ANXA7: variants seen among roughly 807,000 people sequenced by gnomAD.
ANXA7 encodes the protein annexin A7.
A neutral mutation model predicts 64.9 loss-of-function variants in ANXA7; 55 were observed. That is an observed-to-expected ratio of 0.85 (90% CI 0.68 to 1.06). ANXA7 has a LOEUF of 1.06. Ranked by LOEUF, ANXA7 falls within the 50% of genes least tolerant of loss-of-function variation. The pLI is 0.00. For missense variants in ANXA7, 548 were observed against 582.1 expected (o/e 0.94, Z 0.60); for synonymous variants, 200 against 192.4 (o/e 1.04, Z -0.33).
chr10:73,387,744 C>T lies in ANXA7; in HGVS notation c.578G>A (p.Arg193His), dbSNP rs770294831. The change falls in exon 7 of 13, where the codon CGT becomes CAT. Residue 193 changes from arginine (R) to histidine (H), a missense_variant. Coordinates refer to ENST00000372921, the MANE Select transcript of ANXA7 (RefSeq NM_001156.5). The stretch of plus-strand genomic sequence containing the variant: ...AATTTTTTGCCTCTGATCATTGGAA[C>T]GGTTGGCCACCACATCCACAATTGC... The part of the protein sequence containing the change: ...EQAIVDVVAN[R>H]SNDQRQKIKA... 18 of 1,613,622 alleles carry T rather than the reference C, an allele frequency of 1.1e-5. No individual in the cohort carries two copies. Among genetic ancestry groups the T allele is most frequent in the East Asian group, 2.2e-5 (1 of 44,848 alleles).
At chr10:73,404,439 T>C (rs2055720799) in intron 1 of ANXA7, among the ~76,000 whole-genome samples, 1 of 152,230 alleles carries the variant, frequency 6.6e-6, no homozygotes, top group South Asian at 2.1e-4. Flanking sequence ...AATGGTACTA[T>C]GATTTTCATC....
chr10:73,401,263 A>AACACAC (rs5786109), intron 1 of ANXA7, among the ~76,000 whole-genome samples: 4 of 148,024 alleles, frequency 2.7e-5, no homozygotes, highest in African/African-American at 7.5e-5. Flanking sequence ...ACACATACAC[A>AACACAC]ACACACACAC....
intron 5 of ANXA7, among the ~76,000 whole-genome samples, chr10:73,391,097 G>A (rs2055474428): frequency 6.6e-6 from 1 of 151,224 alleles, no homozygotes. Flanking sequence ...GAACCCGGGA[G>A]GCGGAGGTTG....
At chr10:73,377,591 A>G (rs2055193058) in intron 12 of ANXA7, 1 of 151,932 alleles carries the variant, frequency 6.6e-6, no homozygotes, top group Non-Finnish European at 1.5e-5. Context: ...AAAAAAAAAA[A>G]AAAAAAACAC....
intron 1 of ANXA7, among the ~76,000 whole-genome samples, chr10:73,411,448 C>CT (rs566499383): frequency 4.7e-4 from 71 of 151,560 alleles, no homozygotes; most frequent in Middle Eastern, 3.4e-3. Context: ...GAAATTTTAT[C>CT]TTTTTTTTTG....
chr10:73,413,016 T>TA (rs1396846012), intron 1 of ANXA7, among the ~76,000 whole-genome samples: 1 of 152,022 alleles, frequency 6.6e-6, no homozygotes. Context: ...TGACTGAAGA[T>TA]ACGCGCAACA....
rs1041518465 is a variant in ANXA7 at position 73,375,333 on chromosome 10, T to C, written c.*762A>G. On this transcript the variant is annotated 3_prime_UTR_variant, in exon 13 of 13. Coordinates refer to ENST00000372921, the MANE Select transcript of ANXA7 (RefSeq NM_001156.5). ...AGATCTTAAGTGTTTTCACCACACATGAAAAAATGGTAACTATGTCAAGGT... is the reference window on the plus strand; with the variant it reads ...AGATCTTAAGTGTTTTCACCACACACGAAAAAATGGTAACTATGTCAAGGT... 2.0e-5 allele frequency: 3 copies of C among 152,146 alleles called. No homozygotes were observed. Among genetic ancestry groups the C allele is most frequent in the Non-Finnish European group, 2.9e-5 (2 of 68,006 alleles). 9.4% of individuals were successfully genotyped at this position (152,146 alleles called of 1,614,324 possible). A position where few individuals can be genotyped will look rare whatever the true frequency, so the allele number is the denominator to read the frequency against.
chr10:73,383,080 G>T, intron 9 of ANXA7, 95 bp downstream of exon 9: 1 of 1,151,132 alleles, frequency 8.7e-7, no homozygotes, highest in Non-Finnish European at 1.2e-6. Flanking sequence ...ATTGCAAGGT[G>T]GCTAAATATT....
chr10:73,383,138 C>T (rs1460207705), intron 9 of ANXA7, 37 bp downstream of exon 9: 2 of 1,540,078 alleles, frequency 1.3e-6, no homozygotes, highest in East Asian at 4.6e-5. Flanking sequence ...AAAGTATGTT[C>T]CCTCTATCAA....
At chr10:73,395,836 T>C (rs558395817) in intron 5 of ANXA7, 16 of 650,688 alleles carry the variant, frequency 2.5e-5, no homozygotes, top group African/African-American at 2.4e-4. Context: ...ATTTGACATA[T>C]AGGAAACTCT....
intron 6 of ANXA7, 61 bp from the exon 7 acceptor site, chr10:73,387,844 A>AAC: frequency 1.0e-6 from 1 of 957,404 alleles, no homozygotes; most frequent in Non-Finnish European, 1.5e-6. Context: ...GCTTGAGGTC[A>AAC]TCTTTTTTTT....
intron 5 of ANXA7, chr10:73,396,193 C>T: frequency 1.1e-6 from 1 of 882,056 alleles, no homozygotes; most frequent in Non-Finnish European, 1.8e-6. Context: ...TACCAATCAC[C>T]CAGCCACCCA....
At chr10:73,410,781 C>CAA (rs536548150) in intron 1 of ANXA7, among the ~76,000 whole-genome samples, 6 of 59,390 alleles carry the variant, frequency 1.0e-4, no homozygotes, top group South Asian at 6.3e-4. Context: ...GACTCCATCT[C>CAA]AAAAAAAAAA....
chr10:73,406,364 ACTC>A (rs1304367362), intron 1 of ANXA7, among the ~76,000 whole-genome samples: 1 of 149,688 alleles, frequency 6.7e-6, no homozygotes, highest in East Asian at 2.0e-4. Flanking sequence ...TCTTACTAAA[ACTC>A]CTCCTCTGTT....
At chr10:73,400,744 G>T in intron 2 of ANXA7, 59 bp downstream of exon 2, 2 of 1,365,026 alleles carry the variant, frequency 1.5e-6, no homozygotes, top group South Asian at 1.3e-5. Context: ...GATCTGACAT[G>T]GGCCAGTCCC....
Position 73,403,542 on chromosome 10 carries a change from GA to G in ANXA7, c.-1-2686del, listed in dbSNP as rs1482155079. Among the ~76,000 whole-genome samples, 5 of 152,224 alleles carry G rather than the reference GA, an allele frequency of 3.3e-5. No individual in the cohort carries two copies. In the East Asian group the frequency reaches 9.6e-4, roughly 29 times the overall value. ...AAACCACATAGTACTTCAGTGTGTGGATGTATCATGGCTTATTCAATGGCAG... is the reference window on the plus strand; with the variant it reads ...AAACCACATAGTACTTCAGTGTGTGGTGTATCATGGCTTATTCAATGGCAG... On this transcript the variant is annotated intron_variant, in intron 1 of 12. Coordinates refer to ENST00000372921, the MANE Select transcript of ANXA7 (RefSeq NM_001156.5).
At chr10:73,408,906 C>G (rs1342461588) in intron 1 of ANXA7, among the ~76,000 whole-genome samples, 1 of 152,104 alleles carries the variant, frequency 6.6e-6, no homozygotes, top group Non-Finnish European at 1.5e-5. Flanking sequence ...ATCACATAAA[C>G]AGAATTAAAA....
chr10:73,400,931 G>T, intron 1 of ANXA7, 74 bp from the exon 2 acceptor site: 19 of 1,289,946 alleles, frequency 1.5e-5, no homozygotes, highest in Admixed American at 2.0e-5. Context: ...TTTTTGAGAC[G>T]GAGTCTCACT....
At chr10:73,376,251 A>T in intron 12 of ANXA7, 34 bp from the exon 13 acceptor site, 5 of 1,525,496 alleles carry the variant, frequency 3.3e-6, no homozygotes, top group Non-Finnish European at 4.4e-6. Flanking sequence ...TCAGAAAAAC[A>T]TCTGTGACAA....
Sources: allele counts gnomAD v4.1 joint callset (sites outside exome capture counted in the v4.1 genomes callset), GRCh38; gene constraint gnomAD v4.1.1; transcripts MANE v1.5; gene names NCBI Gene and HGNC (gene_info 2026-07-23, HGNC 2026-07-21).